Variants in SMNDC1 observed in about 807,000 individuals in gnomAD.
SMNDC1 encodes the protein survival of motor neuron-related-splicing factor 30.
In SMNDC1, 5 loss-of-function variants were observed where a neutral mutation model predicts 29.2. That is an observed-to-expected ratio of 0.17 (90% CI 0.09 to 0.36). SMNDC1 has a LOEUF of 0.36. SMNDC1 is among the 10% of genes least tolerant of loss of function. The pLI, the probability that SMNDC1 is intolerant of heterozygous loss-of-function variation, is 1.00. For missense variants in SMNDC1, 142 were observed against 268.5 expected (o/e 0.53, Z 3.29); for synonymous variants, 80 against 89.9 (o/e 0.89, Z 0.62).
rs891462345 is a variant in SMNDC1 at position 110,290,818 on chromosome 10, C to T, written c.*3332G>A. 15 of 152,040 alleles carry T rather than the reference C, an allele frequency of 9.9e-5. No individual in the cohort carries two copies. The highest frequency in any genetic ancestry group is 3.6e-4 in the African/African-American group (15 of 41,398). 9.4% of individuals were successfully genotyped at this position (152,040 alleles called of 1,614,324 possible). ...CCCAAGTTAAAGCAAAAAGCTAAAT[C>T]AAAGCTTTAAATTTTTTTTGGTTGA... On this transcript the variant is annotated 3_prime_UTR_variant, in exon 6 of 6. Coordinates refer to ENST00000369603, the MANE Select transcript of SMNDC1 (RefSeq NM_005871.4).
At position 110,291,508 on chromosome 10, in the gene SMNDC1, A is replaced by G. The variant is rs1216327182; in HGVS notation, c.*2642T>C. 1 of 152,242 alleles carries G rather than the reference A, an allele frequency of 6.6e-6. No homozygotes were observed. Among genetic ancestry groups the G allele is most frequent in the Non-Finnish European group, 1.5e-5 (1 of 68,042 alleles). The allele number at this position is 152,242 out of a possible 1,614,324, so 9.4% of individuals were successfully genotyped here. The stretch of plus-strand genomic sequence containing the variant: ...TTGCTATTCAAGTTAAGGAAAAAAT[A>G]TCAGATAATTCACCACTGCCACTCT... On this transcript the variant is annotated 3_prime_UTR_variant, in exon 6 of 6. Transcript: ENST00000369603.
intron 4 of SMNDC1, among the ~76,000 whole-genome samples, chr10:110,297,120 A>C (rs1857574895): frequency 6.6e-6 from 1 of 152,234 alleles, no homozygotes; most frequent in Non-Finnish European, 1.5e-5. Context: ...TCTCAAAGAA[A>C]TCTGCCCTAA....
chr10:110,297,737 A>G lies in SMNDC1; in HGVS notation c.264-9T>C, dbSNP rs775614652. On this transcript the variant is annotated splice_polypyrimidine_tract_variant and intron_variant, in intron 3 of 5. Coordinates refer to ENST00000369603, the MANE Select transcript of SMNDC1 (RefSeq NM_005871.4). Reference sequence around the variant, plus strand: ...TCTCCGCTTCATAACACCTGTAAAGATATCATGGCTGTAAGCAGGTGAGTA... The same window carrying G: ...TCTCCGCTTCATAACACCTGTAAAGGTATCATGGCTGTAAGCAGGTGAGTA... 1.9e-6 allele frequency: 3 copies of G among 1,612,500 alleles called. No individual in the cohort carries two copies. The highest frequency in any genetic ancestry group is 2.2e-5 in the South Asian group (2 of 90,876).
intron 4 of SMNDC1, among the ~76,000 whole-genome samples, chr10:110,297,016 A>G (rs1260027347): frequency 6.6e-6 from 1 of 152,252 alleles, no homozygotes; most frequent in Non-Finnish European, 1.5e-5. Flanking sequence ...ATGCTCATTA[A>G]TAACAAAGAA....
At chr10:110,303,267 A>G (rs1358204302) in intron 2 of SMNDC1, among the ~76,000 whole-genome samples, 2 of 152,220 alleles carry the variant, frequency 1.3e-5, no homozygotes, top group African/African-American at 4.8e-5. Context: ...GATTTATATA[A>G]CAAAGAACAA....
intron 3 of SMNDC1, among the ~76,000 whole-genome samples, chr10:110,297,961 C>T (rs1250092768): frequency 2.6e-5 from 4 of 152,134 alleles, no homozygotes; most frequent in Non-Finnish European, 2.9e-5. Context: ...ACCTACTCAA[C>T]GTGATTTAAT....
At chr10:110,296,884 A>G (rs1419780260) in intron 4 of SMNDC1, among the ~76,000 whole-genome samples, 1 of 152,170 alleles carries the variant, frequency 6.6e-6, no homozygotes, top group Non-Finnish European at 1.5e-5. Context: ...AGCTCTTACT[A>G]CATGTAAAGA....
chr10:110,294,107 A>G lies in SMNDC1; in HGVS notation c.*43T>C. ...TAGAAAAATATAAGGATAAAAAGGTAAATGTAAAGCCCTGCAGAGATGAAA... is the reference window on the plus strand; with the variant it reads ...TAGAAAAATATAAGGATAAAAAGGTGAATGTAAAGCCCTGCAGAGATGAAA... On this transcript the variant is annotated 3_prime_UTR_variant, in exon 6 of 6. Transcript: ENST00000369603. 1 of 1,429,516 alleles carries G rather than the reference A, an allele frequency of 7.0e-7. No homozygotes were observed. The highest frequency in any genetic ancestry group is 9.3e-7 in the Non-Finnish European group (1 of 1,080,646). 88.6% of individuals were successfully genotyped at this position (1,429,516 alleles called of 1,614,324 possible).
rs756593188 is a variant in SMNDC1 at position 110,300,957 on chromosome 10, A to G, written c.121-2167T>C. Among the ~76,000 whole-genome samples the G allele has an allele frequency of 5.3e-5, 8 of 152,252 alleles. No homozygotes were observed. In the South Asian group the frequency reaches 8.3e-4, roughly 16 times the overall value. ...TGCCTGCTGAATAACTTTAGTCTCT[A>G]TGAAAGACAGTACATGAAAGAGATA... is the stretch of plus-strand genomic sequence containing the variant. On this transcript the variant is annotated intron_variant, in intron 2 of 5. Coordinates refer to ENST00000369603, the MANE Select transcript of SMNDC1 (RefSeq NM_005871.4).
At position 110,291,618 on chromosome 10, in the gene SMNDC1, A is replaced by G. The variant is rs891214062; in HGVS notation, c.*2532T>C. On this transcript the variant is annotated 3_prime_UTR_variant, in exon 6 of 6. Transcript: ENST00000369603. Reference sequence around the variant, plus strand: ...CATTTGAATTCAATCCTTAAAACTGAAACAGATTTTTCCATTCTACAGCTG... The same window carrying G: ...CATTTGAATTCAATCCTTAAAACTGGAACAGATTTTTCCATTCTACAGCTG... 4 of 152,212 alleles carry G rather than the reference A, an allele frequency of 2.6e-5. No individual in the cohort carries two copies. The highest frequency in any genetic ancestry group is 7.2e-5 in the African/African-American group (3 of 41,438). The allele number at this position is 152,212 out of a possible 1,614,324, so 9.4% of individuals were successfully genotyped here.
chr10:110,298,138 G>A (rs1014318590), intron 3 of SMNDC1, among the ~76,000 whole-genome samples: 5 of 152,146 alleles, frequency 3.3e-5, no homozygotes, highest in African/African-American at 1.2e-4. Context: ...ACAGGCACAC[G>A]CCACCACACC....
rs1277598329 is a variant in SMNDC1 at position 110,303,605 on chromosome 10, G to A, written c.1-18C>T. On this transcript the variant is annotated intron_variant, in intron 1 of 5. Transcript: ENST00000369603. ...TCTGACATCTAGGGAAAATAAAAAGGGTTAGACCATGAAAACTAAACCAAA... is the reference window on the plus strand; with the variant it reads ...TCTGACATCTAGGGAAAATAAAAAGAGTTAGACCATGAAAACTAAACCAAA... 11 of 1,553,166 alleles carry A rather than the reference G, an allele frequency of 7.1e-6. No individual in the cohort carries two copies. The highest frequency in any genetic ancestry group is 7.8e-6 in the Non-Finnish European group (9 of 1,160,062).
chr10:110,296,339 A>G (rs1857562424), intron 4 of SMNDC1, among the ~76,000 whole-genome samples: 2 of 152,214 alleles, frequency 1.3e-5, no homozygotes, highest in South Asian at 4.1e-4. Flanking sequence ...CCGGTACCAT[A>G]TTACCACCAT....
chr10:110,297,336 T>C lies in SMNDC1; in HGVS notation c.425+231A>G, dbSNP rs552913605. On this transcript the variant is annotated intron_variant, in intron 4 of 5. Transcript: ENST00000369603. ...ATAAAATATGCTGGGAAGATGTTCA[T>C]TGTACATAGTTATCTTCTTAATATT... Among the ~76,000 whole-genome samples the C allele has an allele frequency of 1.6e-3, 246 of 152,342 alleles. 2 individuals are homozygous for C. Among genetic ancestry groups the C allele is most frequent in the African/African-American group, 5.6e-3 (233 of 41,588 alleles).
chr10:110,303,188 G>A (rs188683976), intron 2 of SMNDC1, among the ~76,000 whole-genome samples: 1 of 152,254 alleles, frequency 6.6e-6, no homozygotes, highest in East Asian at 1.9e-4. Flanking sequence ...TGTACCTCTC[G>A]TCTTGAAAAT....
intron 2 of SMNDC1, among the ~76,000 whole-genome samples, chr10:110,301,262 G>A (rs933870266): frequency 2.2e-5 from 3 of 139,490 alleles, no homozygotes; most frequent in Admixed American, 1.4e-4. Context: ...AGGGGAATGA[G>A]GGGGGGAACC....
In SMNDC1 at chr10:110,291,532, C is replaced by T. The variant is rs2134495011; in HGVS notation, c.*2618G>A. On this transcript the variant is annotated 3_prime_UTR_variant, in exon 6 of 6. Transcript: ENST00000369603. ...TATCAGATAATTCACCACTGCCACT[C>T]TGCAGAGTAATAGCAGACGCTTCTA... The T allele has an allele frequency of 6.6e-6, 1 of 152,322 alleles. No homozygotes were observed. The highest frequency in any genetic ancestry group is 2.1e-4 in the South Asian group (1 of 4,830). 9.4% of individuals were successfully genotyped at this position (152,322 alleles called of 1,614,324 possible).
At position 110,293,209 on chromosome 10, in the gene SMNDC1, T is replaced by C. The variant is rs1370294925; in HGVS notation, c.*941A>G. On this transcript the variant is annotated 3_prime_UTR_variant, in exon 6 of 6. Transcript: ENST00000369603. Reference sequence around the variant, plus strand: ...GATGATGTTCACTTACACCAACAAATGCAGACAACCTGATCTAATTAACAA... The same window carrying C: ...GATGATGTTCACTTACACCAACAAACGCAGACAACCTGATCTAATTAACAA... The C allele has an allele frequency of 6.6e-6, 1 of 152,578 alleles. No individual in the cohort carries two copies. The highest frequency in any genetic ancestry group is 1.9e-4 in the East Asian group (1 of 5,198). 9.5% of individuals were successfully genotyped at this position (152,578 alleles called of 1,614,324 possible).
chr10:110,295,146 A>G, intron 5 of SMNDC1, 82 bp downstream of exon 5: 1 of 1,322,472 alleles, frequency 7.6e-7, no homozygotes, highest in African/African-American at 1.5e-5. Context: ...TTTACAAAAA[A>G]TCTCCATCTC....
Sources: allele counts gnomAD v4.1 joint callset (sites outside exome capture counted in the v4.1 genomes callset), GRCh38; gene constraint gnomAD v4.1.1; transcripts MANE v1.5; gene names NCBI Gene and HGNC (gene_info 2026-07-23, HGNC 2026-07-21).